Variants in SLC2A9 observed in about 807,000 individuals in gnomAD.
SLC2A9 encodes solute carrier family 2, facilitated glucose transporter member 9.
A neutral mutation model predicts 50.6 loss-of-function variants in SLC2A9; 39 were observed. That is an observed-to-expected ratio of 0.77 (90% CI 0.60 to 1.01). SLC2A9 has a LOEUF of 1.01. Ranked by LOEUF, SLC2A9 falls within the 50% of genes least tolerant of loss-of-function variation. The pLI, the probability that SLC2A9 is intolerant of heterozygous loss-of-function variation, is 0.00. For synonymous variants in SLC2A9, 324 were observed against 276.9 expected, an observed-to-expected ratio of 1.17 and a Z score of -1.69; for missense variants, 686 against 677.6, an observed-to-expected ratio of 1.01 and a Z score of -0.14.
intron 5 of SLC2A9, among the ~76,000 whole-genome samples, chr4:9,948,771 A>G (rs1749669437): frequency 1.3e-5 from 2 of 152,140 alleles, no homozygotes; most frequent in Admixed American, 6.6e-5. Flanking sequence ...TCCTGGTCCC[A>G]TCTCTTCCCC....
intron 1 of SLC2A9, among the ~76,000 whole-genome samples, chr4:10,039,330 G>A (rs1247501037): frequency 2.0e-5 from 3 of 152,174 alleles, no homozygotes; most frequent in Non-Finnish European, 4.4e-5. Context: ...AGGAGGGAAT[G>A]AATGAATGTC....
intron 10 of SLC2A9, among the ~76,000 whole-genome samples, chr4:9,849,986 C>T (rs967661268): frequency 2.7e-5 from 4 of 150,328 alleles, no homozygotes; most frequent in Non-Finnish European, 5.9e-5. Context: ...CTAGGAGGAA[C>T]ATCTCCCACC....
At chr4:9,848,560 C>T (rs4697897) in intron 10 of SLC2A9, among the ~76,000 whole-genome samples, 152,248 of 152,254 alleles carry the variant, frequency 1, 76,121 homozygotes, top group Middle Eastern at 1. Flanking sequence ...GGGCAGGCAT[C>T]TTGTCTCTTT....
At chr4:9,857,701 A>C (rs996711488) in intron 10 of SLC2A9, among the ~76,000 whole-genome samples, 9 of 152,190 alleles carry the variant, frequency 5.9e-5, no homozygotes, top group Non-Finnish European at 1.2e-4. Flanking sequence ...GCAGGTGCCC[A>C]CAGCAGGAAC....
intron 6 of SLC2A9, 46 bp downstream of exon 6, chr4:9,941,867 A>T (rs375223323): frequency 1.2e-6 from 2 of 1,612,490 alleles, no homozygotes; most frequent in African/African-American, 2.7e-5. Context: ...TGCAGTGATG[A>T]TCTATGCAGG....
Position 9,783,704 on chromosome 4 carries a change from G to A in SLC2A9, n.386-3639C>T. 4 of 517,062 alleles carry A rather than the reference G, an allele frequency of 7.7e-6. No homozygotes were observed. In the South Asian group the frequency reaches 1.2e-4, roughly 16 times the overall value. 32.0% of individuals were successfully genotyped at this position (517,062 alleles called of 1,614,324 possible). A position where few individuals can be genotyped will look rare whatever the true frequency, so the allele number is the denominator to read the frequency against. On this transcript the variant is annotated intron_variant and non_coding_transcript_variant, in intron 3 of 3. Coordinates refer to the SLC2A9 transcript ENST00000503803. Reference sequence around the variant, plus strand: ...CAGAGATGGACCAACGATCCTATGAGAGAAGAGAGTATGGTGCTGGGTCCT... The same window carrying A: ...CAGAGATGGACCAACGATCCTATGAAAGAAGAGAGTATGGTGCTGGGTCCT...
intron 3 of SLC2A9, among the ~76,000 whole-genome samples, chr4:9,805,088 G>T (rs1466774133): frequency 6.6e-5 from 10 of 152,288 alleles, no homozygotes; most frequent in Non-Finnish European, 1.0e-4. Flanking sequence ...TCCTGCCTGT[G>T]TCTCCCACTG....
In SLC2A9 at chr4:10,017,870, G is replaced by A. The variant is rs142989755; in HGVS notation, c.249+1105C>T. 4.1e-3 allele frequency among the ~76,000 whole-genome samples: 611 copies of A among 148,554 alleles called. 6 individuals carry two copies. The highest frequency in any genetic ancestry group is 0.014 in the African/African-American group (560 of 39,626). On this transcript the variant is annotated intron_variant, in intron 2 of 11. Coordinates refer to ENST00000264784, the MANE Select transcript of SLC2A9 (RefSeq NM_020041.3). ...ATTTCCCCAGATGTGTCCTATATCC[G>A]TGTCTCCAAAACGGCCTGTGCTCCA...
At chr4:9,900,766 A>G (rs1739450740) in intron 8 of SLC2A9, among the ~76,000 whole-genome samples, 1 of 152,136 alleles carries the variant, frequency 6.6e-6, no homozygotes. Flanking sequence ...AAGCAAACTC[A>G]TCCTTCTTCA....
Position 9,867,855 on chromosome 4 carries a change from C to T in SLC2A9, c.1291+19712G>A, listed in dbSNP as rs79847753. 4.6e-3 allele frequency among the ~76,000 whole-genome samples: 695 copies of T among 152,348 alleles called. 6 individuals are homozygous for T. The highest frequency in any genetic ancestry group is 0.016 in the African/African-American group (665 of 41,574). ...ATGCAGGGGACTAAACATTAAGCCT[C>T]TGCATGCTGATCCCATTCTGTGAAC... On this transcript the variant is annotated intron_variant, in intron 10 of 11. Transcript: ENST00000264784.
chr4:9,771,552 T>C (rs770744102), intron 1 of SLC2A9, among the ~76,000 whole-genome samples: 5 of 152,234 alleles, frequency 3.3e-5, no homozygotes, highest in Non-Finnish European at 5.9e-5. Flanking sequence ...ACTATTGTCA[T>C]GATATGTTCA....
chr4:9,835,101 C>A (rs748104439), intron 10 of SLC2A9, 93 bp from the exon 11 acceptor site: 520 of 1,580,002 alleles, frequency 3.3e-4, no homozygotes, highest in Non-Finnish European at 4.2e-4. Context: ...AGAACCCCCC[C>A]ACCCCTGCCC....
chr4:9,949,670 T>A (rs2108831735), intron 5 of SLC2A9, among the ~76,000 whole-genome samples: 1 of 152,280 alleles, frequency 6.6e-6, no homozygotes, highest in South Asian at 2.1e-4. Context: ...CTTGCCACCT[T>A]CCCTTCCCTC....
intron 10 of SLC2A9, among the ~76,000 whole-genome samples, chr4:9,869,492 G>A (rs1210213109): frequency 2.6e-5 from 4 of 152,110 alleles, no homozygotes; most frequent in Non-Finnish European, 5.9e-5. Context: ...CTCTTACAAT[G>A]CCCCCTCCTC....
chr4:9,963,728 G>A (rs1752643534), intron 5 of SLC2A9, among the ~76,000 whole-genome samples: 1 of 152,212 alleles, frequency 6.6e-6, no homozygotes, highest in South Asian at 2.1e-4. Flanking sequence ...CAAAGGCAGA[G>A]GCTGGGAGGT....
intron 3 of SLC2A9, among the ~76,000 whole-genome samples, chr4:9,790,254 A>C (rs1168809087): frequency 6.6e-6 from 1 of 152,188 alleles, no homozygotes; most frequent in East Asian, 1.9e-4. Flanking sequence ...TGAGGTTCTG[A>C]AACCATTATC....
At chr4:9,816,080 G>T (rs1196136420) in intron 3 of SLC2A9, among the ~76,000 whole-genome samples, 1 of 152,114 alleles carries the variant, frequency 6.6e-6, no homozygotes, top group Non-Finnish European at 1.5e-5. Flanking sequence ...TGAGGCAGAA[G>T]GATCACTTGA....
intron 3 of SLC2A9, chr4:9,782,579 C>A: frequency 1.2e-6 from 2 of 1,613,952 alleles, no homozygotes; most frequent in African/African-American, 2.7e-5. Context: ...GCACAGGGAC[C>A]AGGCGGCCTC....
intron 8 of SLC2A9, among the ~76,000 whole-genome samples, chr4:9,892,177 A>T (rs542140481): frequency 1.3e-5 from 2 of 152,322 alleles, no homozygotes; most frequent in South Asian, 4.1e-4. Flanking sequence ...GGGGTGAGTG[A>T]CAGCTGCCTG....
Sources: allele counts gnomAD v4.1 joint callset (sites outside exome capture counted in the v4.1 genomes callset), GRCh38; gene constraint gnomAD v4.1.1; transcripts MANE v1.5; gene names NCBI Gene and HGNC (gene_info 2026-07-23, HGNC 2026-07-21).